SSBP2: variants seen among roughly 807,000 people sequenced by gnomAD.
The protein encoded by SSBP2 is single stranded DNA binding protein 2, also known as single-stranded DNA-binding protein 2.
In SSBP2, 17 loss-of-function variants were observed where a neutral mutation model predicts 61.8. That is an observed-to-expected ratio of 0.28 (90% CI 0.19 to 0.41). The LOEUF is 0.41. Ranked by LOEUF, SSBP2 falls within the 10% of genes least tolerant of loss-of-function variation. SSBP2 has a pLI of 1.00. For synonymous variants in SSBP2, 139 were observed against 141.3 expected (o/e 0.98, Z 0.12); for missense variants, 310 against 458.7 (o/e 0.68, Z 2.96).
At chr5:81,682,393 A>G (rs1370580227) in intron 1 of SSBP2, among the ~76,000 whole-genome samples, 1 of 152,188 alleles carries the variant, frequency 6.6e-6, no homozygotes, top group Non-Finnish European at 1.5e-5. Flanking sequence ...CAAAAATCAA[A>G]TAGTATAAGT....
In SSBP2 at chr5:81,625,568, C is replaced by A. The variant is rs1747062561; in HGVS notation, c.198-10011G>T. 1.3e-5 allele frequency among the ~76,000 whole-genome samples: 2 copies of A among 152,058 alleles called. 1 individual carries two copies. Among genetic ancestry groups the A allele is most frequent in the Admixed American group, 1.3e-4 (2 of 15,270 alleles). On this transcript the variant is annotated intron_variant, in intron 3 of 16. Coordinates refer to ENST00000320672, the MANE Select transcript of SSBP2 (RefSeq NM_012446.5). ...AAGACACAGACTGAATACAGAGAAG[C>A]AAAACTTACAAAGTATTGAAGTCTT...
chr5:81,748,899 T>C (rs1561757097), intron 1 of SSBP2, among the ~76,000 whole-genome samples: 32 of 146,774 alleles, frequency 2.2e-4, no homozygotes, highest in Non-Finnish European at 3.0e-5. Flanking sequence ...TCTGAGAAAC[T>C]AAAAAAAAAA....
At chr5:81,519,820 G>C (rs1177628600) in intron 4 of SSBP2, among the ~76,000 whole-genome samples, 2 of 151,970 alleles carry the variant, frequency 1.3e-5, no homozygotes, top group Admixed American at 6.6e-5. Flanking sequence ...CTCTTAAACT[G>C]AATTAGCATT....
intron 1 of SSBP2, among the ~76,000 whole-genome samples, chr5:81,681,580 T>G (rs1382356269): frequency 6.7e-6 from 1 of 150,030 alleles, no homozygotes; most frequent in East Asian, 1.9e-4. Context: ...CCAAATGCAG[T>G]GCATAGAGAG....
intron 1 of SSBP2, among the ~76,000 whole-genome samples, chr5:81,704,169 A>G (rs894516704): frequency 2.0e-5 from 3 of 152,142 alleles, no homozygotes; most frequent in Non-Finnish European, 4.4e-5. Context: ...CTTTTTCTCA[A>G]TCCTTTCACT....
chr5:81,637,127 C>A (rs1468775837), intron 2 of SSBP2, among the ~76,000 whole-genome samples: 1 of 152,226 alleles, frequency 6.6e-6, no homozygotes, highest in Non-Finnish European at 1.5e-5. Context: ...TTATCCCACA[C>A]AACCAGAACC....
chr5:81,555,982 C>T (rs2153390327), intron 4 of SSBP2, among the ~76,000 whole-genome samples: 1 of 152,156 alleles, frequency 6.6e-6, no homozygotes, highest in South Asian at 2.1e-4. Flanking sequence ...TCTGCTGCAG[C>T]CATTTAGATC....
At chr5:81,650,363 T>C in intron 1 of SSBP2, 24 bp from the exon 2 acceptor site, 1 of 1,448,904 alleles carries the variant, frequency 6.9e-7, no homozygotes. Context: ...AAAATATTTA[T>C]TGAGAAGAGG....
chr5:81,547,754 T>A (rs1333233402), intron 4 of SSBP2, among the ~76,000 whole-genome samples: 1 of 152,212 alleles, frequency 6.6e-6, no homozygotes, highest in Non-Finnish European at 1.5e-5. Flanking sequence ...ATTAAACATA[T>A]GAGCCACTGT....
Position 81,646,038 on chromosome 5 carries a change from C to G in SSBP2, c.135+4229G>C, listed in dbSNP as rs189880059. 3.3e-5 allele frequency among the ~76,000 whole-genome samples: 5 copies of G among 152,200 alleles called. No homozygotes were observed. The East Asian group carries it at 9.6e-4, about 29-fold the overall frequency. ...CAAGAGCAGTCCAATTTCTGATAGC[C>G]CAGGACAAGGGCATTTTTAGAAAAT... On this transcript the variant is annotated intron_variant, in intron 2 of 16. Transcript: ENST00000320672.
chr5:81,584,325 C>T (rs1207648059), intron 4 of SSBP2, among the ~76,000 whole-genome samples: 2 of 152,136 alleles, frequency 1.3e-5, no homozygotes, highest in Admixed American at 6.5e-5. Context: ...TAATTTTTCA[C>T]ATTAAAGCAA....
chr5:81,553,535 TC>T (rs1210132537), intron 4 of SSBP2, among the ~76,000 whole-genome samples: 2 of 152,178 alleles, frequency 1.3e-5, no homozygotes, highest in African/African-American at 4.8e-5. Context: ...CTAGCTATTT[TC>T]CAGTAATCAT....
chr5:81,516,000 T>C (rs1768991754), intron 4 of SSBP2, among the ~76,000 whole-genome samples: 1 of 151,886 alleles, frequency 6.6e-6, no homozygotes, highest in South Asian at 2.1e-4. Context: ...GGAAAAAAAA[T>C]CTTTGCCCTC....
rs188148803 is a variant in SSBP2, at chr5:81,506,305, A to C, written c.372+7323T>G. 3.0e-3 allele frequency among the ~76,000 whole-genome samples: 454 copies of C among 152,234 alleles called. 2 individuals are homozygous for C. The highest frequency in any genetic ancestry group is 5.4e-3 in the South Asian group (26 of 4,830). On this transcript the variant is annotated intron_variant, in intron 5 of 16. Transcript: ENST00000320672. ...TAAATAAGCCAACTTCCTCACCTCC[A>C]CTATCTAAATCCTAGGTGTATTTAA...
chr5:81,459,249 T>G (rs1413856238), intron 10 of SSBP2, among the ~76,000 whole-genome samples: 1 of 152,214 alleles, frequency 6.6e-6, no homozygotes, highest in East Asian at 1.9e-4. Flanking sequence ...AAACTAAAAG[T>G]CATCAGAACA....
chr5:81,726,341 A>G (rs1755889028), intron 1 of SSBP2, among the ~76,000 whole-genome samples: 1 of 152,130 alleles, frequency 6.6e-6, no homozygotes, highest in African/African-American at 2.4e-5. Context: ...GACACACTGA[A>G]TCATAATCTC....
rs1554068510 is a variant in SSBP2 at position 81,461,036 on chromosome 5, A to AT, written c.687+18_687+19insA. ...TTACAAAATGCAAAATATTAAAAAA[A>AT]ATATATATATATACTCACTGAATTG... On this transcript the variant is annotated intron_variant, in intron 10 of 16. Coordinates refer to ENST00000320672, the MANE Select transcript of SSBP2 (RefSeq NM_012446.5). 560 of 1,289,796 alleles carry AT rather than the reference A, an allele frequency of 4.3e-4. No homozygotes were observed. The highest frequency in any genetic ancestry group is 9.6e-4 in the African/African-American group (60 of 62,654). 79.9% of individuals were successfully genotyped at this position (1,289,796 alleles called of 1,614,324 possible). A position where few individuals can be genotyped will look rare whatever the true frequency, so the allele number is the denominator to read the frequency against.
At chr5:81,464,998 T>C (rs896052023) in intron 9 of SSBP2, among the ~76,000 whole-genome samples, 1 of 152,040 alleles carries the variant, frequency 6.6e-6, no homozygotes, top group African/African-American at 2.4e-5. Flanking sequence ...TTGGGGCCAA[T>C]ATCAATATAA....
At chr5:81,446,280 C>G (rs1344633972) in intron 12 of SSBP2, among the ~76,000 whole-genome samples, 2 of 151,838 alleles carry the variant, frequency 1.3e-5, no homozygotes, top group Non-Finnish European at 2.9e-5. Context: ...GTGAAAGTCT[C>G]AAAAATAAAT....
Sources: gnomAD v4.1 joint callset for allele counts (sites outside exome capture counted in the v4.1 genomes callset) on GRCh38, gnomAD v4.1.1 for gene constraint, MANE v1.5 for transcripts, NCBI Gene and HGNC (gene_info 2026-07-23, HGNC 2026-07-21) for gene names.